Variants in STXBP6 observed in about 807,000 individuals in gnomAD.
The protein encoded by STXBP6 is syntaxin binding protein 6.
STXBP6 carries 21 observed loss-of-function variants against 26.9 expected under a neutral mutation model. That is an observed-to-expected ratio of 0.78 (90% confidence interval 0.55 to 1.12). The LOEUF is 1.12. Among genes scored for constraint, STXBP6 ranks in the 50% most tolerant of loss-of-function variants. The probability of loss-of-function intolerance (pLI) is 0.00; values close to 1 mark genes in which losing one functional copy is unlikely to be tolerated. For synonymous variants in STXBP6, 97 were observed against 92.6 expected (o/e 1.05, Z -0.27); for missense variants, 232 against 257.9 (o/e 0.90, Z 0.69).
rs147066859 is a variant in STXBP6, at chr14:24,909,372, C to G, written c.155-52215G>C. Among the ~76,000 whole-genome samples, 119 of 152,322 alleles carry G rather than the reference C, an allele frequency of 7.8e-4. 2 individuals carry two copies. In the Middle Eastern group the frequency reaches 0.01, roughly 13 times the overall value. On this transcript the variant is annotated intron_variant, in intron 2 of 5. Coordinates refer to ENST00000323944, the MANE Select transcript of STXBP6 (RefSeq NM_001394410.1). ...TTCTCACAACAACCTAGATATTTTC[C>G]CCTTATTTTACAGATGTGGGAACTA...
intron 1 of STXBP6, among the ~76,000 whole-genome samples, chr14:25,005,240 C>T (rs773654785): frequency 6.6e-6 from 1 of 152,132 alleles, no homozygotes; most frequent in Non-Finnish European, 1.5e-5. Context: ...TGGACAATAA[C>T]AATATACATA....
intron 2 of STXBP6, among the ~76,000 whole-genome samples, chr14:24,922,718 A>G (rs1490371059): frequency 1.3e-5 from 2 of 151,892 alleles, no homozygotes; most frequent in South Asian, 4.2e-4. Context: ...TGCTCATTCC[A>G]CCTTATGCAG....
intron 2 of STXBP6, among the ~76,000 whole-genome samples, chr14:24,971,712 A>G (rs768399141): frequency 6.6e-6 from 1 of 152,126 alleles, no homozygotes; most frequent in African/African-American, 2.4e-5. Context: ...GTGAAGCCCT[A>G]CTTTTCTCAA....
intron 4 of STXBP6, among the ~76,000 whole-genome samples, chr14:24,846,077 C>G (rs562145569): frequency 2.0e-5 from 3 of 152,286 alleles, no homozygotes; most frequent in South Asian, 4.1e-4. Flanking sequence ...TGAATGAGAG[C>G]CTTTGTTTTG....
At chr14:24,911,941 A>T (rs989940033) in intron 2 of STXBP6, among the ~76,000 whole-genome samples, 1 of 152,138 alleles carries the variant, frequency 6.6e-6, no homozygotes, top group Non-Finnish European at 1.5e-5. Context: ...GAGTTACTCA[A>T]CTTTCTTGTC....
At chr14:24,926,866 A>G (rs1017575503) in intron 2 of STXBP6, among the ~76,000 whole-genome samples, 2 of 152,180 alleles carry the variant, frequency 1.3e-5, no homozygotes, top group East Asian at 1.9e-4. Context: ...AAATGAGTTA[A>G]TATAATGCAA....
At chr14:24,830,133 G>C (rs1478948574) in intron 4 of STXBP6, among the ~76,000 whole-genome samples, 1 of 152,064 alleles carries the variant, frequency 6.6e-6, no homozygotes, top group Non-Finnish European at 1.5e-5. Flanking sequence ...AAGGGGGAAA[G>C]TGGCTTGAGA....
chr14:25,039,708 CT>C (rs375717992), intron 1 of STXBP6, among the ~76,000 whole-genome samples: 302 of 139,994 alleles, frequency 2.2e-3, no homozygotes, highest in Middle Eastern at 3.7e-3. Flanking sequence ...AATCTGCATC[CT>C]TTTTTTTTTT....
chr14:24,927,987 A>T (rs183206731), intron 2 of STXBP6, among the ~76,000 whole-genome samples: 1 of 152,330 alleles, frequency 6.6e-6, no homozygotes, highest in East Asian at 1.9e-4. Context: ...CTCTGCACAC[A>T]GAGACAACTG....
intron 1 of STXBP6, among the ~76,000 whole-genome samples, chr14:24,977,220 T>C (rs1309636575): frequency 6.6e-6 from 1 of 151,978 alleles, no homozygotes; most frequent in Admixed American, 6.6e-5. Flanking sequence ...TGCTTTTTCA[T>C]CTCAGGTCCA....
At chr14:24,925,999 G>C (rs2072151439) in intron 2 of STXBP6, among the ~76,000 whole-genome samples, 1 of 152,142 alleles carries the variant, frequency 6.6e-6, no homozygotes, top group South Asian at 2.1e-4. Flanking sequence ...GAGTGCATTG[G>C]ATGTAAAACA....
At chr14:24,991,656 C>A (rs1204924726) in intron 1 of STXBP6, among the ~76,000 whole-genome samples, 1 of 152,168 alleles carries the variant, frequency 6.6e-6, no homozygotes, top group Non-Finnish European at 1.5e-5. Flanking sequence ...AGGGGAAAAT[C>A]AACCAATTCA....
chr14:24,881,120 G>GTT (rs753705834), intron 2 of STXBP6, among the ~76,000 whole-genome samples: 14 of 145,136 alleles, frequency 9.6e-5, no homozygotes, highest in Non-Finnish European at 1.4e-4. Flanking sequence ...ATCTGCTTCT[G>GTT]TTTTTTTTTT....
intron 1 of STXBP6, among the ~76,000 whole-genome samples, chr14:25,029,773 A>G (rs972035150): frequency 2.0e-5 from 3 of 152,150 alleles, no homozygotes; most frequent in South Asian, 2.1e-4. Context: ...AGGAAGAGGA[A>G]AAAGAATGTA....
intron 2 of STXBP6, 60 bp from the exon 3 acceptor site, chr14:24,857,217 TCA>T: frequency 6.2e-7 from 1 of 1,606,962 alleles, no homozygotes; most frequent in Non-Finnish European, 8.5e-7. Flanking sequence ...GTTTCCACAT[TCA>T]GTGCTGTTTC....
At chr14:24,881,435 G>C (rs1880034931) in intron 2 of STXBP6, among the ~76,000 whole-genome samples, 1 of 152,140 alleles carries the variant, frequency 6.6e-6, no homozygotes, top group Non-Finnish European at 1.5e-5. Flanking sequence ...CCATGAAAAA[G>C]GCATTTAAAC....
chr14:24,890,306 C>A (rs2070745009), intron 2 of STXBP6, among the ~76,000 whole-genome samples: 1 of 152,188 alleles, frequency 6.6e-6, no homozygotes, highest in African/African-American at 2.4e-5. Flanking sequence ...ATCCTTCTAG[C>A]CCCTGCAGTA....
intron 2 of STXBP6, among the ~76,000 whole-genome samples, chr14:24,881,061 A>G (rs1198656234): frequency 1.3e-5 from 2 of 151,452 alleles, no homozygotes; most frequent in Non-Finnish European, 2.9e-5. Context: ...TTCCCCATAC[A>G]CCTTACTTTG....
At chr14:24,840,727 T>TA (rs2139016815) in intron 4 of STXBP6, among the ~76,000 whole-genome samples, 1 of 152,342 alleles carries the variant, frequency 6.6e-6, no homozygotes, top group South Asian at 2.1e-4. Context: ...TCATCAGAGA[T>TA]AGAGTTTGCC....
Sources: gnomAD v4.1 joint callset for allele counts (sites outside exome capture counted in the v4.1 genomes callset) on GRCh38, gnomAD v4.1.1 for gene constraint, MANE v1.5 for transcripts, NCBI Gene and HGNC (gene_info 2026-07-23, HGNC 2026-07-21) for gene names.